Variants in TOGARAM1 observed in about 807,000 individuals in gnomAD.
TOGARAM1 encodes TOG array regulator of axonemal microtubules 1, also known as TOG array regulator of axonemal microtubules protein 1.
A neutral mutation model predicts 166.6 loss-of-function variants in TOGARAM1; 100 were observed. The observed-to-expected ratio is 0.60, with a 90% CI of 0.51 to 0.71. The LOEUF (loss-of-function observed/expected upper bound fraction) is 0.71. Among genes scored for constraint, TOGARAM1 ranks in the 30% least tolerant of loss-of-function variants. The pLI is 0.00. For synonymous variants in TOGARAM1, 758 were observed against 763.8 expected (o/e 0.99, Z 0.13); for missense variants, 2,029 against 2,102.7 (o/e 0.96, Z 0.69).
At chr14:45,018,242 AT>A (rs569953601) in intron 7 of TOGARAM1, among the ~76,000 whole-genome samples, 5,167 of 147,426 alleles carry the variant, frequency 0.035, 129 homozygotes, top group Non-Finnish European at 0.054. Flanking sequence ...GTTATTTCTG[AT>A]TTTTTTTTTT....
At chr14:45,044,530 G>T (rs1881885053) in intron 12 of TOGARAM1, 105 bp from the exon 13 acceptor site, 1 of 716,188 alleles carries the variant, frequency 1.4e-6, no homozygotes, top group South Asian at 2.0e-5. Context: ...GACAGAGCGA[G>T]ACCCTAACTC....
Position 45,004,984 on chromosome 14 carries a change from G to A in TOGARAM1, c.2644+618G>A, listed in dbSNP as rs185095096. 6.7e-4 allele frequency among the ~76,000 whole-genome samples: 102 copies of A among 151,758 alleles called. 1 individual carries two copies. Among genetic ancestry groups the A allele is most frequent in the Admixed American group, 6.1e-3 (93 of 15,228 alleles). On this transcript the variant is annotated intron_variant, in intron 4 of 19. Transcript: ENST00000361462. ...GTTGCCCAGACTGGAGTGCAATGGT[G>A]CGATCTTGGCTCACGGCATCCTCCA... is the stretch of plus-strand genomic sequence containing the variant.
intron 1 of TOGARAM1, among the ~76,000 whole-genome samples, chr14:44,972,014 G>A (rs376584185): frequency 2.0e-5 from 3 of 152,130 alleles, no homozygotes; most frequent in African/African-American, 7.2e-5. Context: ...GGAGAAGGAG[G>A]AAGAGAGGGC....
At chr14:45,070,242 G>A (rs1883320709) in intron 18 of TOGARAM1, among the ~76,000 whole-genome samples, 1 of 152,136 alleles carries the variant, frequency 6.6e-6, no homozygotes, top group African/African-American at 2.4e-5. Context: ...AGGGATGCAA[G>A]GATGGTTCAA....
rs758175663 is a variant in TOGARAM1 at position 45,073,567 on chromosome 14, C to T, written c.*6C>T. 3.5e-5 allele frequency: 56 copies of T among 1,607,908 alleles called. No individual in the cohort carries two copies. Among genetic ancestry groups the T allele is most frequent in the Non-Finnish European group, 3.8e-5 (45 of 1,177,168 alleles). On this transcript the variant is annotated 3_prime_UTR_variant, in exon 20 of 20. Coordinates refer to ENST00000361462, the MANE Select transcript of TOGARAM1 (RefSeq NM_001308120.2). The stretch of plus-strand genomic sequence containing the variant: ...CAATTTTAAATGAATTATGAATCTT[C>T]GATAAAATACTGTATGATGAACAAA...
chr14:45,028,441 C>A, intron 10 of TOGARAM1, 112 bp downstream of exon 10: 2 of 1,173,336 alleles, frequency 1.7e-6, no homozygotes, highest in Non-Finnish European at 2.4e-6. Flanking sequence ...TCTTATATAA[C>A]ACCGAAATTT....
intron 13 of TOGARAM1, among the ~76,000 whole-genome samples, chr14:45,045,926 A>G (rs1882047319): frequency 1.3e-5 from 2 of 151,650 alleles, no homozygotes; most frequent in African/African-American, 4.8e-5. Context: ...GGATTGCTAG[A>G]TCAAATGGTA....
chr14:44,998,586 T>C (rs1887544310), intron 2 of TOGARAM1, among the ~76,000 whole-genome samples: 1 of 152,164 alleles, frequency 6.6e-6, no homozygotes, highest in African/African-American at 2.4e-5. Flanking sequence ...TGAGCCAAGT[T>C]TGCGCCACCG....
At chr14:45,026,852 CA>C (rs1417220095) in intron 8 of TOGARAM1, among the ~76,000 whole-genome samples, 1 of 137,646 alleles carries the variant, frequency 7.3e-6, no homozygotes, top group Non-Finnish European at 1.5e-5. Flanking sequence ...AAAAAAAATA[CA>C]AAAAATTGGG....
chr14:44,966,863 G>A (rs1885576280), intron 1 of TOGARAM1, among the ~76,000 whole-genome samples: 1 of 152,190 alleles, frequency 6.6e-6, no homozygotes, highest in African/African-American at 2.4e-5. Context: ...GCTGAAGTGG[G>A]AGGATTGCTT....
At chr14:44,985,793 A>G (rs535029954) in intron 1 of TOGARAM1, among the ~76,000 whole-genome samples, 17 of 152,208 alleles carry the variant, frequency 1.1e-4, no homozygotes, top group Admixed American at 6.5e-4. Context: ...TTATTCTATG[A>G]TGTATAAATA....
chr14:45,063,387 C>T (rs1882986825), intron 16 of TOGARAM1, among the ~76,000 whole-genome samples: 4 of 151,956 alleles, frequency 2.6e-5, no homozygotes, highest in Admixed American at 6.6e-5. Context: ...TTTTACATCT[C>T]ACCAGTAGTG....
At chr14:45,045,583 A>ATATATATATATG (rs1431167583) in intron 13 of TOGARAM1, among the ~76,000 whole-genome samples, 1 of 37,472 alleles carries the variant, frequency 2.7e-5, no homozygotes, top group Non-Finnish European at 4.4e-5. Flanking sequence ...ATATATATAT[A>ATATATATATATG]TGTGTGTGTG....
At chr14:45,023,557 C>A (rs1844514721) in intron 7 of TOGARAM1, among the ~76,000 whole-genome samples, 1 of 152,138 alleles carries the variant, frequency 6.6e-6, no homozygotes, top group South Asian at 2.1e-4. Context: ...CAACCCTTTG[C>A]CACTACATCA....
chr14:45,021,466 C>A (rs1251202567), intron 7 of TOGARAM1, among the ~76,000 whole-genome samples: 1 of 152,076 alleles, frequency 6.6e-6, no homozygotes, highest in East Asian at 1.9e-4. Flanking sequence ...GGTAAGAGAA[C>A]AGTAAAGAGA....
At chr14:45,043,662 T>A in intron 11 of TOGARAM1, 24 bp from the exon 12 acceptor site, 1 of 1,280,870 alleles carries the variant, frequency 7.8e-7, no homozygotes, top group Non-Finnish European at 1.1e-6. Context: ...TAACGAATGA[T>A]CTTGTCATTT....
At chr14:45,030,788 T>C (rs1002121228) in intron 10 of TOGARAM1, among the ~76,000 whole-genome samples, 1 of 152,198 alleles carries the variant, frequency 6.6e-6, no homozygotes, top group Non-Finnish European at 1.5e-5. Flanking sequence ...TACCTCTTTA[T>C]ATAAGATCAC....
chr14:45,052,663 GT>G, intron 15 of TOGARAM1, 101 bp downstream of exon 15: 3 of 1,136,940 alleles, frequency 2.6e-6, no homozygotes, highest in Non-Finnish European at 3.7e-6. Flanking sequence ...TTATTTCTCT[GT>G]TAATCATTTG....
chr14:45,073,723 CT>C lies in TOGARAM1; in HGVS notation c.*164del. 1 of 577,864 alleles carries C rather than the reference CT, an allele frequency of 1.7e-6. No homozygotes were observed. Among genetic ancestry groups the C allele is most frequent in the Non-Finnish European group, 2.9e-6 (1 of 342,386 alleles). The allele number at this position is 577,864 out of a possible 1,614,324, so 35.8% of individuals were successfully genotyped here. A position where few individuals can be genotyped will look rare whatever the true frequency, so the allele number is the denominator to read the frequency against. On this transcript the variant is annotated 3_prime_UTR_variant, in exon 20 of 20. Transcript: ENST00000361462. Reference sequence around the variant, plus strand: ...GAGTACACATCTGTCCTATATCAACCTTACCACTTATATTCATCACATAAAA... The same window carrying C: ...GAGTACACATCTGTCCTATATCAACCTACCACTTATATTCATCACATAAAA...
Sources: allele counts gnomAD v4.1 joint callset (sites outside exome capture counted in the v4.1 genomes callset), GRCh38; gene constraint gnomAD v4.1.1; transcripts MANE v1.5; gene names NCBI Gene and HGNC (gene_info 2026-07-23, HGNC 2026-07-21).